The following R3HCC1L variants were observed in gnomAD, a reference collection of about 807,000 sequenced individuals.
The protein encoded by R3HCC1L is R3H domain and coiled-coil containing 1 like, also known as coiled-coil domain-containing protein R3HCC1L.
In R3HCC1L, 51 loss-of-function variants were observed where a neutral mutation model predicts 59.9. That is an observed-to-expected ratio of 0.85 (90% CI 0.68 to 1.07). The LOEUF (loss-of-function observed/expected upper bound fraction) is 1.07, where lower values mean the gene tolerates loss of function less well. Ranked by LOEUF, R3HCC1L falls within the 50% of genes least tolerant of loss-of-function variation. R3HCC1L has a pLI of 0.00. For missense variants in R3HCC1L, 965 were observed against 933.0 expected, an observed-to-expected ratio of 1.03 and a Z score of -0.45; for synonymous variants, 322 against 315.2, an observed-to-expected ratio of 1.02 and a Z score of -0.23.
intron 4 of R3HCC1L, among the ~76,000 whole-genome samples, chr10:98,170,025 C>G (rs1462824327): frequency 6.6e-6 from 1 of 151,656 alleles, no homozygotes; most frequent in Non-Finnish European, 1.5e-5. Flanking sequence ...GAAAAATCAC[C>G]CTGATCATTT....
Position 98,235,457 on chromosome 10 carries a change from G to A in R3HCC1L, c.2065G>A (p.Val689Met). The A allele has an allele frequency of 4.3e-6, 7 of 1,613,680 alleles. No homozygotes were observed. Among genetic ancestry groups the A allele is most frequent in the Non-Finnish European group, 5.9e-6 (7 of 1,179,784 alleles). The part of the protein sequence containing the change: ...RDALGIKHTM[V>M]KIRPLSQATR... ...TGCGTTGGGTATTAAACACACCATG[G>A]TGAAGATTCGTCCCTTGTCACAGGC... Residue 689 changes from valine (V) to methionine (M), a missense_variant, in exon 8 of 10, where the codon GTG (valine) becomes ATG (methionine). Coordinates refer to ENST00000298999, the MANE Select transcript of R3HCC1L (RefSeq NM_001351015.2).
At chr10:98,183,117 G>A (rs1466782663) in intron 4 of R3HCC1L, among the ~76,000 whole-genome samples, 3 of 152,188 alleles carry the variant, frequency 2.0e-5, no homozygotes, top group Non-Finnish European at 4.4e-5. Context: ...CCCGTTTTCT[G>A]TGTCAGTCAC....
chr10:98,138,958 C>G (rs1348800709), intron 1 of R3HCC1L, among the ~76,000 whole-genome samples: 1 of 152,156 alleles, frequency 6.6e-6, no homozygotes, highest in Admixed American at 6.5e-5. Flanking sequence ...GTTGTTATTA[C>G]TATTTTTAAT....
rs2135633571 is a variant in R3HCC1L at position 98,231,779 on chromosome 10, C to T, written c.1961+92C>T. 2.3e-6 allele frequency: 3 copies of T among 1,303,096 alleles called. No individual in the cohort carries two copies. The South Asian group carries it at 4.6e-5, about 20-fold the overall frequency. The allele number at this position is 1,303,096 out of a possible 1,614,324, so 80.7% of individuals were successfully genotyped here. ...GAAATCATCTCTTGTTTTTTATATC[C>T]CGTTTTTCATATTTTAGCATCAGGC... On this transcript the variant is annotated intron_variant, in intron 6 of 9. Transcript: ENST00000298999.
chr10:98,244,068 G>A (rs1169100705), intron 9 of R3HCC1L, 23 bp from the exon 10 acceptor site: 9 of 1,611,506 alleles, frequency 5.6e-6, no homozygotes, highest in African/African-American at 1.3e-5. Flanking sequence ...GACAACTGTG[G>A]TTAATACTGC....
chr10:98,226,808 TAA>T (rs1010219081), intron 5 of R3HCC1L, among the ~76,000 whole-genome samples: 2 of 152,068 alleles, frequency 1.3e-5, no homozygotes, highest in African/African-American at 4.8e-5. Context: ...AAGAATTTAT[TAA>T]AGTTTAACTG....
At chr10:98,242,379 C>T (rs1857624678) in intron 9 of R3HCC1L, among the ~76,000 whole-genome samples, 1 of 152,108 alleles carries the variant, frequency 6.6e-6, no homozygotes, top group Admixed American at 6.5e-5. Flanking sequence ...TCTGAACTTT[C>T]CAGATTTTAG....
At chr10:98,164,476 G>A (rs1030723660) in intron 4 of R3HCC1L, among the ~76,000 whole-genome samples, 1 of 152,154 alleles carries the variant, frequency 6.6e-6, no homozygotes, top group African/African-American at 2.4e-5. Flanking sequence ...TTTCATTGTG[G>A]ATGACTGAAA....
chr10:98,171,676 A>G (rs1278821815), intron 4 of R3HCC1L, among the ~76,000 whole-genome samples: 2 of 152,196 alleles, frequency 1.3e-5, no homozygotes, highest in African/African-American at 4.8e-5. Context: ...ATTTGGGGAT[A>G]AGTAAGCTTA....
chr10:98,181,431 C>T (rs987921410), intron 4 of R3HCC1L, among the ~76,000 whole-genome samples: 8 of 152,200 alleles, frequency 5.3e-5, no homozygotes, highest in African/African-American at 1.9e-4. Context: ...TCCGACCTTT[C>T]TCTTGACTGC....
At chr10:98,182,501 C>T (rs1849742242) in intron 4 of R3HCC1L, among the ~76,000 whole-genome samples, 1 of 152,158 alleles carries the variant, frequency 6.6e-6, no homozygotes, top group Non-Finnish European at 1.5e-5. Flanking sequence ...GTCAGGGACC[C>T]ACTTGAGGAG....
chr10:98,222,061 G>C (rs772332126), intron 5 of R3HCC1L, among the ~76,000 whole-genome samples: 1 of 152,176 alleles, frequency 6.6e-6, no homozygotes, highest in Non-Finnish European at 1.5e-5. Flanking sequence ...TCCTTGAGCA[G>C]TGGTTTGTAG....
chr10:98,135,831 A>G (rs750969260), intron 1 of R3HCC1L, among the ~76,000 whole-genome samples: 2 of 152,172 alleles, frequency 1.3e-5, no homozygotes, highest in African/African-American at 2.4e-5. Flanking sequence ...CGTTCCTCAG[A>G]TATGGTTGTA....
chr10:98,239,734 G>A (rs1040027697), intron 9 of R3HCC1L, among the ~76,000 whole-genome samples: 2 of 152,042 alleles, frequency 1.3e-5, no homozygotes, highest in Non-Finnish European at 2.9e-5. Flanking sequence ...GTCTCACTTT[G>A]TCACCCAGGC....
chr10:98,209,127 G>A lies in R3HCC1L; in HGVS notation c.1013G>A (p.Ser338Asn), dbSNP rs760314070. Residue 338 changes from serine to asparagine, a missense_variant, in exon 5 of 10, where the codon AGC becomes AAC. By Grantham distance (46) the Ser-to-Asn change is conservative. Coordinates refer to ENST00000298999, the MANE Select transcript of R3HCC1L (RefSeq NM_001351015.2). ...VMIRECEKND[S>N]TADELHVKHE... is the part of the protein sequence containing the mutation. The stretch of plus-strand genomic sequence containing the variant: ...ATTAGAGAATGTGAGAAGAATGACA[G>A]CACTGCTGATGAGTTACATGTAAAG... The A allele has an allele frequency of 1.9e-6, 3 of 1,614,078 alleles. No individual in the cohort carries two copies. In the African/African-American group the frequency reaches 4.0e-5, roughly 22 times the overall value.
chr10:98,173,507 C>T (rs11814972), intron 4 of R3HCC1L, among the ~76,000 whole-genome samples: 27,857 of 152,082 alleles, frequency 0.18, 2,699 homozygotes, highest in Non-Finnish European at 0.2. Context: ...ATTGATCCAC[C>T]GGCAGTTTAT....
rs540873300 is a variant in R3HCC1L, at chr10:98,186,480, G to C, written c.-14-21621G>C. On this transcript the variant is annotated intron_variant, in intron 4 of 9. Transcript: ENST00000298999. Reference sequence around the variant, plus strand: ...TGTTTTTTCCAGATGGTTTTACTCAGCATTTGGTGTGGTGGATCTTACATA... The same window carrying C: ...TGTTTTTTCCAGATGGTTTTACTCACCATTTGGTGTGGTGGATCTTACATA... 2.6e-4 allele frequency: 254 copies of C among 979,712 alleles called. 2 individuals carry two copies. The African/African-American group carries it at 4.1e-3, about 16-fold the overall frequency. 60.7% of individuals were successfully genotyped at this position (979,712 alleles called of 1,614,324 possible). A position where few individuals can be genotyped will look rare whatever the true frequency, so the allele number is the denominator to read the frequency against.
intron 6 of R3HCC1L, among the ~76,000 whole-genome samples, chr10:98,232,708 A>G (rs139193769): frequency 1.3e-4 from 20 of 152,380 alleles, no homozygotes; most frequent in Admixed American, 1.2e-3. Context: ...GTAAGATTCT[A>G]TATAAGTCAG....
chr10:98,192,616 CCATAAG>C (rs1234231850), intron 4 of R3HCC1L, among the ~76,000 whole-genome samples: 1 of 151,968 alleles, frequency 6.6e-6, no homozygotes, highest in Non-Finnish European at 1.5e-5. Context: ...CTGAGCAGAC[CCATAAG>C]CAGTAAGGAA....
Sources: gnomAD v4.1 joint callset for allele counts (sites outside exome capture counted in the v4.1 genomes callset) on GRCh38, gnomAD v4.1.1 for gene constraint, MANE v1.5 for transcripts, NCBI Gene and HGNC (gene_info 2026-07-23, HGNC 2026-07-21) for gene names.